The following FGF14 variants were observed in gnomAD, a reference collection of about 807,000 sequenced individuals.
The protein encoded by FGF14 is fibroblast growth factor 14.
A neutral mutation model predicts 25.5 loss-of-function variants in FGF14; 5 were observed. That is an observed-to-expected ratio of 0.20 (90% confidence interval 0.10 to 0.41). FGF14 has a LOEUF of 0.41. Ranked by LOEUF, FGF14 falls within the 10% of genes least tolerant of loss-of-function variation. The pLI is 1.00. For synonymous variants in FGF14, 138 were observed against 118.3 expected, an observed-to-expected ratio of 1.17 and a Z score of -1.08; for missense variants, 222 against 320.1, an observed-to-expected ratio of 0.69 and a Z score of 2.34.
At chr13:101,890,647 C>A (rs957677240) in intron 1 of FGF14, among the ~76,000 whole-genome samples, 1 of 152,144 alleles carries the variant, frequency 6.6e-6, no homozygotes, top group South Asian at 2.1e-4. Context: ...GTTTCCCAGT[C>A]AAGGAACAGA....
intron 1 of FGF14, among the ~76,000 whole-genome samples, chr13:102,334,098 A>G (rs1028056026): frequency 2.0e-4 from 31 of 152,182 alleles, no homozygotes; most frequent in Non-Finnish European, 3.8e-4. Flanking sequence ...GGTGTGCTTC[A>G]GCCCCATTAA....
chr13:101,993,467 A>C (rs1340972999), intron 1 of FGF14, among the ~76,000 whole-genome samples: 2 of 152,074 alleles, frequency 1.3e-5, no homozygotes, highest in African/African-American at 4.8e-5. Context: ...GTACTTTAAC[A>C]GATAACAGAT....
At chr13:101,775,329 C>A (rs1163254435) in intron 3 of FGF14, among the ~76,000 whole-genome samples, 7 of 152,024 alleles carry the variant, frequency 4.6e-5, no homozygotes, top group Non-Finnish European at 5.9e-5. Context: ...TTTGATGAAC[C>A]TTGAATCCAT....
chr13:102,168,848 A>G (rs767811363), intron 1 of FGF14, among the ~76,000 whole-genome samples: 7 of 152,080 alleles, frequency 4.6e-5, no homozygotes, highest in African/African-American at 7.2e-5. Context: ...TAGTCAACAA[A>G]CACACACTGA....
chr13:102,041,968 G>C (rs914108697), intron 1 of FGF14, among the ~76,000 whole-genome samples: 1 of 152,104 alleles, frequency 6.6e-6, no homozygotes, highest in African/African-American at 2.4e-5. Flanking sequence ...ACTGTGACCA[G>C]CCAGCCAAAG....
chr13:101,935,432 C>T (rs1256443423), intron 1 of FGF14, among the ~76,000 whole-genome samples: 1 of 152,166 alleles, frequency 6.6e-6, no homozygotes, highest in Non-Finnish European at 1.5e-5. Flanking sequence ...AATTGCAGTT[C>T]CCATAATCCC....
intron 2 of FGF14, among the ~76,000 whole-genome samples, chr13:101,874,443 T>C (rs567310967): frequency 2.0e-4 from 30 of 152,252 alleles, no homozygotes; most frequent in African/African-American, 6.7e-4. Flanking sequence ...AGTGTGCTTA[T>C]TTTGGAACTA....
chr13:102,158,556 A>G (rs1487739069), intron 1 of FGF14, among the ~76,000 whole-genome samples: 1 of 151,708 alleles, frequency 6.6e-6, no homozygotes, highest in Non-Finnish European at 1.5e-5. Flanking sequence ...ACATTAGGAG[A>G]TATACCTAAT....
At chr13:102,224,584 T>G (rs1488795034) in intron 1 of FGF14, among the ~76,000 whole-genome samples, 1 of 152,076 alleles carries the variant, frequency 6.6e-6, no homozygotes, top group African/African-American at 2.4e-5. Flanking sequence ...AAAAATAATT[T>G]TAAAAAGAAC....
intron 1 of FGF14, among the ~76,000 whole-genome samples, chr13:102,134,055 CAT>C (rs1289961581): frequency 1.3e-5 from 2 of 152,172 alleles, no homozygotes; most frequent in Non-Finnish European, 2.9e-5. Context: ...CATTAAAACA[CAT>C]ATGTTATATG....
At chr13:102,258,750 C>T (rs2052572404) in intron 1 of FGF14, among the ~76,000 whole-genome samples, 2 of 152,184 alleles carry the variant, frequency 1.3e-5, no homozygotes, top group South Asian at 4.2e-4. Flanking sequence ...GAGAGATGTG[C>T]TCTTGGTTTC....
At chr13:102,199,416 T>C (rs141298759) in intron 1 of FGF14, among the ~76,000 whole-genome samples, 1,999 of 152,306 alleles carry the variant, frequency 0.013, 12 homozygotes, top group Non-Finnish European at 0.017. Context: ...AAAGTGGCTT[T>C]CTATGGATTA....
chr13:101,994,884 A>T (rs1386462031), intron 1 of FGF14, among the ~76,000 whole-genome samples: 2 of 152,040 alleles, frequency 1.3e-5, no homozygotes, highest in Non-Finnish European at 2.9e-5. Flanking sequence ...CCTACTACAA[A>T]TTTTGTTATG....
chr13:102,235,670 T>G (rs533405575), intron 1 of FGF14, among the ~76,000 whole-genome samples: 5 of 152,332 alleles, frequency 3.3e-5, no homozygotes, highest in Non-Finnish European at 7.4e-5. Context: ...AAACATATTT[T>G]CTAGAGAAAA....
chr13:102,035,216 G>A (rs2041411235), intron 1 of FGF14, among the ~76,000 whole-genome samples: 1 of 152,144 alleles, frequency 6.6e-6, no homozygotes, highest in Non-Finnish European at 1.5e-5. Flanking sequence ...CTAAGGATAT[G>A]CAAGGGTGAA....
At chr13:101,737,326 T>C (rs1266947885) in intron 3 of FGF14, among the ~76,000 whole-genome samples, 2 of 152,088 alleles carry the variant, frequency 1.3e-5, no homozygotes, top group African/African-American at 4.8e-5. Flanking sequence ...GAACAAATGT[T>C]ATGGAAAATA....
chr13:102,027,925 A>G (rs2041014477), intron 1 of FGF14, among the ~76,000 whole-genome samples: 1 of 152,040 alleles, frequency 6.6e-6, no homozygotes, highest in South Asian at 2.1e-4. Context: ...TTTTTATTAT[A>G]TAGAGAGAAA....
intron 1 of FGF14, among the ~76,000 whole-genome samples, chr13:102,009,485 C>T (rs2039972119): frequency 6.6e-6 from 1 of 152,032 alleles, no homozygotes; most frequent in East Asian, 1.9e-4. Context: ...TATCTATACA[C>T]ATGTTCTAAA....
chr13:101,998,247 A>T (rs987891177), intron 1 of FGF14, among the ~76,000 whole-genome samples: 1 of 152,188 alleles, frequency 6.6e-6, no homozygotes. Flanking sequence ...CTCTCAAGAC[A>T]ACATTAAAGA....
Sources: gnomAD v4.1 joint callset for allele counts (sites outside exome capture counted in the v4.1 genomes callset) on GRCh38, gnomAD v4.1.1 for gene constraint, MANE v1.5 for transcripts, NCBI Gene and HGNC (gene_info 2026-07-23, HGNC 2026-07-21) for gene names.